The following MAPK8 variants were observed in gnomAD, a reference collection of about 807,000 sequenced individuals.
MAPK8 encodes the protein JUN N-terminal kinase.
Under a neutral mutation model 52.9 loss-of-function variants are expected in MAPK8, and 13 were observed. The observed-to-expected ratio is 0.25, with a 90% CI of 0.16 to 0.39. The LOEUF is 0.39. MAPK8 is among the 10% of genes least tolerant of loss of function. MAPK8 has a pLI of 1.00. For synonymous variants in MAPK8, 191 were observed against 169.8 expected (o/e 1.12, Z -0.97); for missense variants, 300 against 519.2 (o/e 0.58, Z 4.10).
rs1308328535 is a variant in MAPK8 at position 48,437,204 on chromosome 10, A to G, written c.*2175A>G. On this transcript the variant is annotated 3_prime_UTR_variant, in exon 12 of 12. Transcript: ENST00000374189. ...TTAGTGTAAACTAAAATACTTAACA[A>G]ATTATATCCTAAAAACAAGGTCTCT... 3 of 152,232 alleles carry G rather than the reference A, an allele frequency of 2.0e-5. No homozygotes were observed. The highest frequency in any genetic ancestry group is 7.2e-5 in the African/African-American group (3 of 41,462). 9.4% of individuals were successfully genotyped at this position (152,232 alleles called of 1,614,324 possible).
chr10:48,317,455 A>T (rs1842615569), intron 1 of MAPK8, among the ~76,000 whole-genome samples: 1 of 152,178 alleles, frequency 6.6e-6, no homozygotes. Context: ...GAGCCACCAC[A>T]CCCAGCCCCT....
intron 1 of MAPK8, among the ~76,000 whole-genome samples, chr10:48,380,809 G>A (rs2698760): frequency 0.036 from 5,544 of 152,230 alleles, 284 homozygotes; most frequent in African/African-American, 0.11. Context: ...TGTTAAAATA[G>A]GATCACAGGT....
At chr10:48,428,075 T>C (rs750485416) in intron 10 of MAPK8, among the ~76,000 whole-genome samples, 3 of 152,236 alleles carry the variant, frequency 2.0e-5, no homozygotes, top group Non-Finnish European at 2.9e-5. Context: ...ATGGTAGTAG[T>C]GTACACTTCC....
At chr10:48,342,534 T>A (rs1037192435) in intron 1 of MAPK8, among the ~76,000 whole-genome samples, 2 of 152,228 alleles carry the variant, frequency 1.3e-5, no homozygotes, top group African/African-American at 2.4e-5. Flanking sequence ...ATTTTGTTAT[T>A]GTGAAGAATG....
At chr10:48,355,507 T>G (rs891378253) in intron 1 of MAPK8, among the ~76,000 whole-genome samples, 2 of 36,804 alleles carry the variant, frequency 5.4e-5, no homozygotes, top group African/African-American at 2.2e-4. Flanking sequence ...AGATTCCGTC[T>G]CAAAAAAAAA....
At chr10:48,343,359 G>A (rs1332718303) in intron 1 of MAPK8, among the ~76,000 whole-genome samples, 1 of 152,086 alleles carries the variant, frequency 6.6e-6, no homozygotes, top group Admixed American at 6.6e-5. Context: ...TTTTCTGTGT[G>A]TCTAATCTCC....
At chr10:48,370,658 A>G (rs1159961649) in intron 1 of MAPK8, among the ~76,000 whole-genome samples, 2 of 152,158 alleles carry the variant, frequency 1.3e-5, no homozygotes, top group African/African-American at 4.8e-5. Flanking sequence ...ATAGCGTCTT[A>G]GGAGATTTTC....
At chr10:48,321,844 T>C (rs1843026040) in intron 1 of MAPK8, among the ~76,000 whole-genome samples, 1 of 152,240 alleles carries the variant, frequency 6.6e-6, no homozygotes, top group Non-Finnish European at 1.5e-5. Context: ...TCTATTCCAT[T>C]GATCTATGTG....
chr10:48,381,398 A>G (rs1286166681), intron 1 of MAPK8, among the ~76,000 whole-genome samples: 1 of 152,042 alleles, frequency 6.6e-6, no homozygotes, highest in Non-Finnish European at 1.5e-5. Flanking sequence ...CCAAAAACAC[A>G]TCCTACTTTC....
At chr10:48,372,700 CAAAT>C (rs1278421026) in intron 1 of MAPK8, among the ~76,000 whole-genome samples, 14 of 149,788 alleles carry the variant, frequency 9.3e-5, no homozygotes, top group Admixed American at 4.6e-4. Flanking sequence ...TGAAAAGAAA[CAAAT>C]AAAGCCTCCA....
At chr10:48,386,104 T>C (rs953119203) in intron 1 of MAPK8, among the ~76,000 whole-genome samples, 2 of 152,194 alleles carry the variant, frequency 1.3e-5, no homozygotes, top group African/African-American at 2.4e-5. Flanking sequence ...TTTGCAGTTT[T>C]AGGAATTGTC....
chr10:48,409,431 A>G (rs111356599), intron 3 of MAPK8, among the ~76,000 whole-genome samples: 7 of 152,302 alleles, frequency 4.6e-5, no homozygotes, highest in African/African-American at 1.7e-4. Flanking sequence ...CAATAGTGTG[A>G]GAAGGGATAT....
At chr10:48,365,956 T>C (rs1269620357) in intron 1 of MAPK8, among the ~76,000 whole-genome samples, 2 of 152,174 alleles carry the variant, frequency 1.3e-5, no homozygotes, top group Non-Finnish European at 2.9e-5. Flanking sequence ...AGTAATTTAC[T>C]GGGTAGCATG....
intron 1 of MAPK8, among the ~76,000 whole-genome samples, chr10:48,347,695 G>C (rs1278954084): frequency 6.6e-6 from 1 of 152,164 alleles, no homozygotes; most frequent in African/African-American, 2.4e-5. Context: ...ATGGTTTCCA[G>C]ATTCATCCAT....
intron 10 of MAPK8, chr10:48,430,061 A>T (rs1181370869): frequency 6.6e-6 from 1 of 152,180 alleles, no homozygotes; most frequent in African/African-American, 2.4e-5. Flanking sequence ...CCTTAAGTAG[A>T]CATTAAGAAC....
chr10:48,341,614 G>A (rs1472389534), intron 1 of MAPK8, among the ~76,000 whole-genome samples: 1 of 152,216 alleles, frequency 6.6e-6, no homozygotes, highest in African/African-American at 2.4e-5. Flanking sequence ...TTATGCGCCA[G>A]GCAGTATGCT....
intron 10 of MAPK8, among the ~76,000 whole-genome samples, chr10:48,427,610 G>A (rs995117918): frequency 2.6e-5 from 4 of 152,066 alleles, no homozygotes; most frequent in African/African-American, 9.7e-5. Flanking sequence ...TCCTGCCTCA[G>A]CCTCCTGAGT....
At chr10:48,310,293 A>G (rs893202326) in intron 1 of MAPK8, among the ~76,000 whole-genome samples, 17 of 152,210 alleles carry the variant, frequency 1.1e-4, no homozygotes, top group African/African-American at 3.9e-4. Flanking sequence ...TTGAGAAAAC[A>G]TACTAGGACA....
intron 11 of MAPK8, among the ~76,000 whole-genome samples, chr10:48,431,619 T>C (rs1298511256): frequency 6.6e-6 from 1 of 152,332 alleles, no homozygotes; most frequent in South Asian, 2.1e-4. Flanking sequence ...AAATAAAAGC[T>C]TCACTGCAAA....
Sources: gnomAD v4.1 joint callset for allele counts (sites outside exome capture counted in the v4.1 genomes callset) on GRCh38, gnomAD v4.1.1 for gene constraint, MANE v1.5 for transcripts, NCBI Gene and HGNC (gene_info 2026-07-23, HGNC 2026-07-21) for gene names.